Variants in MYO16 observed in about 807,000 individuals in gnomAD.
MYO16 encodes unconventional myosin-XVI.
In MYO16, 94 loss-of-function variants were observed where a neutral mutation model predicts 205.3. The observed-to-expected ratio is 0.46, with a 90% CI of 0.39 to 0.54. The LOEUF is 0.54. Ranked by LOEUF, MYO16 falls within the 20% of genes least tolerant of loss-of-function variation. The pLI is 0.00. For missense variants in MYO16, 2,315 were observed against 2,387.5 expected (o/e 0.97, Z 0.63); for synonymous variants, 988 against 954.0 (o/e 1.04, Z -0.66).
the MYO16 span, among the ~76,000 whole-genome samples, chr13:108,541,987 T>A: frequency 2.0e-5 from 3 of 152,164 alleles, no homozygotes; most frequent in Admixed American, 2.0e-4. Flanking sequence ...ATACAAATCA[T>A]CTTATTATAA....
intron 23 of MYO16, among the ~76,000 whole-genome samples, chr13:109,040,407 G>A (rs1160143722): frequency 6.6e-6 from 1 of 150,644 alleles, no homozygotes; most frequent in Admixed American, 6.6e-5. Flanking sequence ...GAGAGAGAGA[G>A]AGAGAGAGAA....
At chr13:108,520,805 A>C in the MYO16 span, among the ~76,000 whole-genome samples, 2 of 152,204 alleles carry the variant, frequency 1.3e-5, no homozygotes, top group Non-Finnish European at 2.9e-5. Flanking sequence ...CTATGTATAG[A>C]CAGTAAGCTT....
chr13:109,173,954 G>C (rs550267553), intron 33 of MYO16, among the ~76,000 whole-genome samples: 2 of 147,688 alleles, frequency 1.4e-5, no homozygotes, highest in South Asian at 2.2e-4. Context: ...TGATGGGGGG[G>C]GGTACTCTCT....
At chr13:108,508,568 A>G in the MYO16 span, among the ~76,000 whole-genome samples, 203 of 152,248 alleles carry the variant, frequency 1.3e-3, no homozygotes, top group African/African-American at 4.5e-3. Flanking sequence ...GGTTGAAGAG[A>G]AATCAGTGTC....
At chr13:108,712,310 T>C (rs1336607744) in intron 2 of MYO16, among the ~76,000 whole-genome samples, 1 of 152,240 alleles carries the variant, frequency 6.6e-6, no homozygotes, top group African/African-American at 2.4e-5. Context: ...TTCAGTGACC[T>C]AATGCCCGTG....
upstream of MYO16, among the ~76,000 whole-genome samples, chr13:108,593,161 G>T (rs1480283203): frequency 6.6e-6 from 1 of 152,168 alleles, no homozygotes; most frequent in Non-Finnish European, 1.5e-5. Context: ...TGAAGCGGGG[G>T]TGAATATCAT....
chr13:108,609,007 T>C (rs951464318), intron 1 of MYO16, among the ~76,000 whole-genome samples: 4 of 152,172 alleles, frequency 2.6e-5, no homozygotes, highest in African/African-American at 9.7e-5. Context: ...CTTTATTTTT[T>C]GAAGGACATT....
intron 4 of MYO16, among the ~76,000 whole-genome samples, chr13:108,752,385 TG>T (rs1885264000): frequency 1.3e-5 from 2 of 152,158 alleles, no homozygotes; most frequent in East Asian, 3.9e-4. Context: ...TATATCTATT[TG>T]TTAGTAAGGG....
At chr13:109,174,235 G>A (rs1363543085) in intron 33 of MYO16, among the ~76,000 whole-genome samples, 3 of 152,222 alleles carry the variant, frequency 2.0e-5, no homozygotes, top group Non-Finnish European at 2.9e-5. Context: ...TTCTATAAGC[G>A]GATTTGGAGC....
chr13:109,138,625 A>G (rs1401460732), intron 31 of MYO16, among the ~76,000 whole-genome samples: 1 of 151,964 alleles, frequency 6.6e-6, no homozygotes. Flanking sequence ...TTCCCCTTGA[A>G]AAGTTCTTAG....
chr13:108,531,160 T>G, the MYO16 span, among the ~76,000 whole-genome samples: 3 of 152,146 alleles, frequency 2.0e-5, no homozygotes, highest in Non-Finnish European at 4.4e-5. Flanking sequence ...GTGGAGAAGA[T>G]AGTTTAAGGT....
chr13:108,790,849 G>A (rs944932407), intron 5 of MYO16, among the ~76,000 whole-genome samples: 1 of 152,198 alleles, frequency 6.6e-6, no homozygotes. Context: ...TGAGTCTGCA[G>A]TGAGTGATGT....
chr13:108,665,347 A>C (rs1182381968), intron 1 of MYO16, among the ~76,000 whole-genome samples: 1 of 152,114 alleles, frequency 6.6e-6, no homozygotes, highest in Non-Finnish European at 1.5e-5. Context: ...CCTGGCTTCA[A>C]GTGATCCTCC....
rs1594356881 is a variant in MYO16, at chr13:108,869,097, A to G, written c.1425+2855A>G. On this transcript the variant is annotated intron_variant, in intron 12 of 34. Coordinates refer to ENST00000457511, the MANE Select transcript of MYO16 (RefSeq NM_001198950.3). ...GGTCTTCAAATTTGCCCTAGCAATTAATTACTGGCCTTTTCCTTTAAGGTT... is the reference window on the plus strand; with the variant it reads ...GGTCTTCAAATTTGCCCTAGCAATTGATTACTGGCCTTTTCCTTTAAGGTT... 2.6e-5 allele frequency among the ~76,000 whole-genome samples: 4 copies of G among 152,270 alleles called. No homozygotes were observed. In the South Asian group the frequency reaches 8.3e-4, roughly 32 times the overall value.
chr13:109,091,747 C>T (rs912129538), intron 27 of MYO16, among the ~76,000 whole-genome samples: 27 of 152,170 alleles, frequency 1.8e-4, no homozygotes, highest in Admixed American at 1.4e-3. Flanking sequence ...GTAACTCCTA[C>T]GATATTCCAT....
chr13:109,141,080 C>T lies in MYO16; in HGVS notation c.4868C>T (p.Pro1623Leu), dbSNP rs758702351. The T allele has an allele frequency of 1.4e-6, 2 of 1,464,674 alleles. No homozygotes were observed. Among genetic ancestry groups the T allele is most frequent in the South Asian group, 1.4e-5 (1 of 70,180 alleles). The allele number at this position is 1,464,674 out of a possible 1,614,324, so 90.7% of individuals were successfully genotyped here. ...TTGGCCTTCCCGCCGGAGCCCGCCC[C>T]GGTGAACGCGGGGAAAGCGGGGCCG... Reference protein sequence around the residue: ...AHLAFPPEPAPVNAGKAGPSA... With the variant: ...AHLAFPPEPALVNAGKAGPSA... The change falls in exon 32 of 35, where the codon CCG (proline) becomes CTG (leucine). Residue 1623 changes from proline to leucine, a missense_variant. Pro to Leu is a moderately conservative substitution (Grantham distance 98, BLOSUM62 -3). This residue lies in a region of MYO16 where 1,097 missense variants were observed against 1,092.0 expected (regional missense o/e 1.00). Transcript: ENST00000457511. The surrounding 1 kb of genome is among the most constrained non-coding windows in gnomAD (Gnocchi z 4.1).
chr13:108,888,594 TA>T (rs1198200057), intron 14 of MYO16, 117 bp downstream of exon 14: 38 of 522,106 alleles, frequency 7.3e-5, no homozygotes, highest in Non-Finnish European at 1.1e-4. Context: ...TTTGTGGAAA[TA>T]AAGAATAAAA....
At chr13:108,540,650 T>A in the MYO16 span, among the ~76,000 whole-genome samples, 1 of 152,064 alleles carries the variant, frequency 6.6e-6, no homozygotes, top group Non-Finnish European at 1.5e-5. Context: ...TATGAATAAT[T>A]TTTGCTGGAG....
At chr13:108,720,520 T>C (rs1884122262) in intron 3 of MYO16, among the ~76,000 whole-genome samples, 3 of 152,210 alleles carry the variant, frequency 2.0e-5, no homozygotes, top group Admixed American at 2.0e-4. Context: ...CTCACTCAAA[T>C]TGTGCACCTC....
Sources: allele counts gnomAD v4.1 joint callset (sites outside exome capture counted in the v4.1 genomes callset), GRCh38; gene constraint gnomAD v4.1.1; regional missense constraint gnomAD v4.1.1; non-coding constraint Gnocchi (gnomAD v3.1); transcripts MANE v1.5; gene names NCBI Gene and HGNC (gene_info 2026-07-23, HGNC 2026-07-21).